Variants in FRMPD4 observed in about 807,000 individuals in gnomAD.
FRMPD4 encodes the protein FERM and PDZ domain-containing protein 4.
In FRMPD4, 22 loss-of-function variants were observed where a neutral mutation model predicts 94.1. The ratio of observed to expected loss-of-function variants is 0.23; its 90% CI spans 0.17 to 0.33. The LOEUF is 0.33. FRMPD4 is among the 10% of genes least tolerant of loss of function. FRMPD4 has a pLI of 1.00. For missense variants in FRMPD4, 1,111 were observed against 1,339.9 expected, an observed-to-expected ratio of 0.83 and a Z score of 2.67; for synonymous variants, 631 against 548.6, an observed-to-expected ratio of 1.15 and a Z score of -2.10.
chrX:12,349,078 G>A (rs1234683717), intron 1 of FRMPD4, among the ~76,000 whole-genome samples: 2 of 111,230 alleles, frequency 1.8e-5, no homozygotes, highest in Non-Finnish European at 3.8e-5. Flanking sequence ...CTTTGGGTGT[G>A]GGTGTCTCTG....
chrX:12,320,295 A>T (rs1398135962), intron 1 of FRMPD4, among the ~76,000 whole-genome samples: 1 of 111,489 alleles, frequency 9.0e-6, no homozygotes, highest in East Asian at 2.8e-4. Flanking sequence ...TGAGGCAAAA[A>T]GAGGACAGGG....
At chrX:12,217,196 C>A (rs746056700) in intron 1 of FRMPD4, among the ~76,000 whole-genome samples, 1 of 111,893 alleles carries the variant, frequency 8.9e-6, no homozygotes, top group Admixed American at 9.5e-5. Context: ...CTGCCACTGT[C>A]TTTCTTGGTT....
intron 2 of FRMPD4, among the ~76,000 whole-genome samples, chrX:12,581,314 T>A (rs2058862119): frequency 8.9e-6 from 1 of 112,216 alleles, no homozygotes; most frequent in African/African-American, 3.2e-5. Flanking sequence ...TTAGAGAAGA[T>A]AATCAATAGA....
At chrX:12,557,510 A>G (rs1035940957) in intron 2 of FRMPD4, among the ~76,000 whole-genome samples, 1 of 112,530 alleles carries the variant, frequency 8.9e-6, no homozygotes, top group Non-Finnish European at 1.9e-5. Context: ...CTGAATAGCC[A>G]TCTTGAAATA....
intron 3 of FRMPD4, among the ~76,000 whole-genome samples, chrX:11,901,091 T>C (rs1436209182): frequency 8.9e-6 from 1 of 111,895 alleles, no homozygotes; most frequent in East Asian, 2.8e-4. Flanking sequence ...TTGTCCCTAA[T>C]TTGTGTGCTT....
intron 1 of FRMPD4, among the ~76,000 whole-genome samples, chrX:12,187,184 C>G (rs141623637): frequency 1.6e-4 from 18 of 111,674 alleles, no homozygotes; most frequent in African/African-American, 5.8e-4. Flanking sequence ...ACTTGCTCAT[C>G]CACCCCTATT....
chrX:11,889,646 T>G (rs1212463290), intron 3 of FRMPD4, among the ~76,000 whole-genome samples: 1 of 112,173 alleles, frequency 8.9e-6, no homozygotes, highest in African/African-American at 3.2e-5. Context: ...CAACAAAAAT[T>G]TATTATTTCT....
chrX:12,094,192 A>G (rs966690485), intron 3 of FRMPD4, among the ~76,000 whole-genome samples: 10 of 111,885 alleles, frequency 8.9e-5, no homozygotes, highest in African/African-American at 3.2e-4. Flanking sequence ...TAATAAACAT[A>G]ACAATAAATA....
intron 1 of FRMPD4, among the ~76,000 whole-genome samples, chrX:11,836,828 T>G (rs746060241): frequency 4.5e-5 from 5 of 111,851 alleles, no homozygotes; most frequent in Non-Finnish European, 9.4e-5. Flanking sequence ...ACCCTGCCTT[T>G]CAAAGGAAAT....
rs1475041888 is a variant in FRMPD4 at position 12,719,985 on chromosome X, AGAAAG to A, written c.3965-543_3965-539del. On this transcript the variant is annotated intron_variant, in intron 16 of 16. Coordinates refer to ENST00000675598, the MANE Select transcript of FRMPD4 (RefSeq NM_001368397.1). ...AAATTAGGCCACTTCTTTAAAAGAA[AGAAAG>A]GAAAGAAAGGAAAGGAAAGGAAAGG... Among the ~76,000 whole-genome samples the A allele has an allele frequency of 7.6e-5, 7 of 92,679 alleles. No individual in the cohort carries two copies. The South Asian group carries it at 2.8e-3, about 36-fold the overall frequency. The allele number at this position is 92,679 out of a possible 115,157, so 80.5% of individuals were successfully genotyped here.
intron 3 of FRMPD4, among the ~76,000 whole-genome samples, chrX:11,994,552 A>G (rs1044127172): frequency 6.3e-5 from 7 of 111,158 alleles, no homozygotes; most frequent in Non-Finnish European, 1.1e-4. Flanking sequence ...GAAGAAGAGT[A>G]TTTGACTTAC....
chrX:12,033,875 T>A (rs1343056762), intron 3 of FRMPD4, among the ~76,000 whole-genome samples: 1 of 111,668 alleles, frequency 9.0e-6, no homozygotes, highest in Non-Finnish European at 1.9e-5. Flanking sequence ...TTTTGTATTT[T>A]TAGTAGAGAC....
chrX:11,978,853 C>T lies in FRMPD4; in HGVS notation c.95+100835C>T, dbSNP rs181761022. ...GGTGTGTATAGAACTGGAATGCTCCCTGTCTTTTTCCCCTTTCCATACCCT... is the reference window on the plus strand; with the variant it reads ...GGTGTGTATAGAACTGGAATGCTCCTTGTCTTTTTCCCCTTTCCATACCCT... On this transcript the variant is annotated intron_variant, in intron 3 of 18. Transcript: ENST00000640291. Among the ~76,000 whole-genome samples the T allele has an allele frequency of 2.9e-4, 32 of 111,755 alleles. No individual in the cohort carries two copies. The East Asian group carries it at 9.0e-3, about 31-fold the overall frequency.
chrX:12,293,810 T>C (rs951734132), intron 1 of FRMPD4, among the ~76,000 whole-genome samples: 22 of 112,835 alleles, frequency 1.9e-4, no homozygotes, highest in Middle Eastern at 4.6e-3. Flanking sequence ...TTTTTTGTTC[T>C]ATATGTAAAG....
chrX:12,181,947 T>C (rs1259009301), intron 1 of FRMPD4, among the ~76,000 whole-genome samples: 1 of 111,529 alleles, frequency 9.0e-6, no homozygotes, highest in African/African-American at 3.3e-5. Context: ...AAAAGGGTGT[T>C]CCTCTCCCCT....
In FRMPD4 at chrX:12,690,245, C is replaced by T. The variant is rs1569055207; in HGVS notation, c.732C>T (p.His244=). The change falls in exon 8 of 17, where the codon CAC becomes CAT. Residue 244 remains histidine (H), a synonymous_variant. Transcript: ENST00000675598. The part of the protein sequence containing the change: ...QEKLSIKGIE[H]FSLMLEQRTE... ...AGCTCTCCATCAAAGGCATTGAACA[C>T]TTCTCTCTCATGCTGGAGCAGAGGA... The T allele has an allele frequency of 8.3e-7, 1 of 1,201,525 alleles. No individual in the cohort carries two copies. Among genetic ancestry groups the T allele is most frequent in the Admixed American group, 2.2e-5 (1 of 46,004 alleles).
chrX:12,053,440 G>GAGA (rs1381993378), intron 3 of FRMPD4, among the ~76,000 whole-genome samples: 5 of 102,583 alleles, frequency 4.9e-5, no homozygotes, highest in South Asian at 4.6e-4. Context: ...GAGAAAGAAA[G>GAGA]AAGAGAAGAG....
intron 1 of FRMPD4, among the ~76,000 whole-genome samples, chrX:11,839,067 T>C (rs993708568): frequency 1.8e-5 from 2 of 112,029 alleles, no homozygotes; most frequent in African/African-American, 3.2e-5. Flanking sequence ...AAATTGTTTT[T>C]ACAAAGTAGC....
rs750140101 is a variant in FRMPD4, at chrX:12,259,221, G to A, written c.41+120209G>A. ...TCAACACCTGGCTCCCAAGCGGGGGGTGCGTCCATTCTAGCCATCCAGAAG... is the reference window on the plus strand; with the variant it reads ...TCAACACCTGGCTCCCAAGCGGGGGATGCGTCCATTCTAGCCATCCAGAAG... On this transcript the variant is annotated intron_variant, in intron 1 of 16. Coordinates refer to ENST00000675598, the MANE Select transcript of FRMPD4 (RefSeq NM_001368397.1). Among the ~76,000 whole-genome samples, 23 of 111,631 alleles carry A rather than the reference G, an allele frequency of 2.1e-4. 1 individual carries two copies. Among genetic ancestry groups the A allele is most frequent in the African/African-American group, 7.2e-4 (22 of 30,729 alleles).
Sources: gnomAD v4.1 joint callset for allele counts (sites outside exome capture counted in the v4.1 genomes callset) on GRCh38, gnomAD v4.1.1 for gene constraint, MANE v1.5 for transcripts, NCBI Gene and HGNC (gene_info 2026-07-23, HGNC 2026-07-21) for gene names.